PTBP3: variants seen among roughly 807,000 people sequenced by gnomAD.
PTBP3 encodes polypyrimidine tract-binding protein 3.
A neutral mutation model predicts 58.7 loss-of-function variants in PTBP3; 20 were observed. That is an observed-to-expected ratio of 0.34 (90% confidence interval 0.24 to 0.50). The LOEUF (loss-of-function observed/expected upper bound fraction) is 0.50, where lower values mean the gene tolerates loss of function less well. Ranked by LOEUF, PTBP3 falls within the 20% of genes least tolerant of loss-of-function variation. The pLI is 0.98. For missense variants in PTBP3, 509 were observed against 637.2 expected, an observed-to-expected ratio of 0.80 and a Z score of 2.17; for synonymous variants, 185 against 219.8, an observed-to-expected ratio of 0.84 and a Z score of 1.40.
the PTBP3 span, among the ~76,000 whole-genome samples, chr9:112,365,848 CTTG>C: frequency 1.3e-5 from 2 of 152,166 alleles, no homozygotes; most frequent in African/African-American, 4.8e-5. Flanking sequence ...AGATGAGAAA[CTTG>C]TTGATAACTG....
intron 1 of PTBP3, among the ~76,000 whole-genome samples, 180 bp from the exon 2 acceptor site, chr9:112,298,096 C>T (rs1034123055): frequency 6.6e-6 from 1 of 152,094 alleles, no homozygotes; most frequent in African/African-American, 2.4e-5. Context: ...ACTGCAAATC[C>T]ACAACTATAT....
At chr9:112,277,899 A>G (rs1454228955) in intron 2 of PTBP3, among the ~76,000 whole-genome samples, 7 of 98,228 alleles carry the variant, frequency 7.1e-5, no homozygotes, top group Non-Finnish European at 1.2e-4. Flanking sequence ...AACATAACAT[A>G]ACATAACATA....
the PTBP3 span, among the ~76,000 whole-genome samples, chr9:112,374,728 C>T: frequency 6.6e-6 from 1 of 152,330 alleles, no homozygotes; most frequent in Non-Finnish European, 1.5e-5. Flanking sequence ...AATACCACGA[C>T]AGTGGATAAG....
At chr9:112,241,126 T>C (rs1423030468) in intron 7 of PTBP3, among the ~76,000 whole-genome samples, 1 of 152,144 alleles carries the variant, frequency 6.6e-6, no homozygotes, top group Non-Finnish European at 1.5e-5. Flanking sequence ...TTTTTTTAAA[T>C]GGAGTCTCAC....
the PTBP3 span, among the ~76,000 whole-genome samples, chr9:112,371,646 A>ATTTTT: frequency 3.9e-3 from 503 of 127,528 alleles, 13 homozygotes; most frequent in African/African-American, 0.014. Flanking sequence ...TTTTTAGTAG[A>ATTTTT]TTTTTTTTTT....
intron 9 of PTBP3, 33 bp from the exon 10 acceptor site, chr9:112,231,446 C>A (rs1202255941): frequency 1.3e-6 from 2 of 1,522,482 alleles, no homozygotes; most frequent in Admixed American, 2.1e-5. Context: ...AAGTGTCTGA[C>A]AATTTAAGTA....
intron 11 of PTBP3, 78 bp from the exon 12 acceptor site, chr9:112,227,705 A>G: frequency 9.1e-7 from 1 of 1,099,732 alleles, no homozygotes; most frequent in Non-Finnish European, 1.4e-6. Context: ...ATTACCATAA[A>G]TTATTTTTAT....
intron 8 of PTBP3, among the ~76,000 whole-genome samples, chr9:112,233,377 TTTC>T (rs1432405803): frequency 2.0e-5 from 3 of 151,672 alleles, no homozygotes; most frequent in African/African-American, 7.3e-5. Flanking sequence ...ACTTTTCATC[TTTC>T]TTAATATTAA....
chr9:112,319,142 AAAG>A (rs1366423322), intron 1 of PTBP3, among the ~76,000 whole-genome samples: 3 of 150,008 alleles, frequency 2.0e-5, no homozygotes, highest in Non-Finnish European at 3.0e-5. Flanking sequence ...AAAAAAAAAA[AAAG>A]AAAGAAAATT....
chr9:112,293,061 G>A (rs931408113), intron 2 of PTBP3, among the ~76,000 whole-genome samples: 3 of 151,996 alleles, frequency 2.0e-5, no homozygotes, highest in Admixed American at 6.6e-5. Context: ...GAACGAAAGG[G>A]ATTGGGGCAA....
chr9:112,254,945 T>C (rs141250380), intron 5 of PTBP3, among the ~76,000 whole-genome samples: 110 of 152,168 alleles, frequency 7.2e-4, no homozygotes, highest in Admixed American at 3.0e-3. Flanking sequence ...TTACACAAAA[T>C]AGCCAAAACA....
intron 1 of PTBP3, among the ~76,000 whole-genome samples, chr9:112,322,428 A>C (rs761423859): frequency 1.3e-5 from 2 of 152,176 alleles, no homozygotes; most frequent in African/African-American, 4.8e-5. Context: ...ATATTAATCA[A>C]AAGGCTATGG....
At chr9:112,378,467 C>T in the PTBP3 span, among the ~76,000 whole-genome samples, 1 of 152,318 alleles carries the variant, frequency 6.6e-6, no homozygotes, top group East Asian at 1.9e-4. Flanking sequence ...GAGGCTCTAA[C>T]AGACTGAAGA....
intron 12 of PTBP3, among the ~76,000 whole-genome samples, chr9:112,226,778 T>G (rs1051760871): frequency 6.6e-6 from 1 of 152,238 alleles, no homozygotes; most frequent in Non-Finnish European, 1.5e-5. Flanking sequence ...GAATTTTATA[T>G]AATTTTCTCA....
At chr9:112,260,803 T>C (rs566024906) in intron 5 of PTBP3, among the ~76,000 whole-genome samples, 4 of 152,296 alleles carry the variant, frequency 2.6e-5, no homozygotes, top group African/African-American at 4.8e-5. Flanking sequence ...GTTAAAAAAG[T>C]GAGTGCTATA....
At position 112,275,865 on chromosome 9, in the gene PTBP3, CA is replaced by C; in HGVS notation, c.182del (p.Leu61Ter). ...GLPFGKVTNL[L>X]MLKGKSQAFL... ...ATACCTGGCTTTTTCCTTTCAACAT[CA>C]AAAGATTAGTTACTTTGCCAAATGG... On this transcript the variant is annotated frameshift_variant, in exon 3 of 14. Coordinates refer to ENST00000374257, the MANE Select transcript of PTBP3 (RefSeq NM_001163788.4). LOFTEE classifies it high-confidence loss of function. 1 of 1,612,854 alleles carries C rather than the reference CA, an allele frequency of 6.2e-7. No homozygotes were observed. Among genetic ancestry groups the C allele is most frequent in the Non-Finnish European group, 8.5e-7 (1 of 1,179,234 alleles).
At chr9:112,298,159 C>T (rs1163788105) in intron 1 of PTBP3, among the ~76,000 whole-genome samples, 1 of 152,164 alleles carries the variant, frequency 6.6e-6, no homozygotes, top group African/African-American at 2.4e-5. Context: ...TTCTTTCTAA[C>T]CAAACGCAGG....
rs201385160 is a variant in PTBP3 at position 112,231,952 on chromosome 9, GAGA to G, written c.1020+144_1020+146del. ...GAGAAGAGAAGAGAAGAGAAGAGAA[GAGA>G]AGAGAAGAGAAGAGAGAAGAGAAGA... On this transcript the variant is annotated intron_variant, in intron 9 of 13. Transcript: ENST00000374257. 1,586 of 387,562 alleles carry G rather than the reference GAGA, an allele frequency of 4.1e-3. 1 individual carries two copies. The highest frequency in any genetic ancestry group is 0.012 in the African/African-American group (271 of 23,550). The allele number at this position is 387,562 out of a possible 1,614,324, so 24.0% of individuals were successfully genotyped here. A position where few individuals can be genotyped will look rare whatever the true frequency, so the allele number is the denominator to read the frequency against.
chr9:112,265,207 C>T (rs1339615156), intron 4 of PTBP3, among the ~76,000 whole-genome samples: 1 of 151,872 alleles, frequency 6.6e-6, no homozygotes, highest in Non-Finnish European at 1.5e-5. Context: ...CTCTGCAATA[C>T]ATTAAGTCTT....
Sources: gnomAD v4.1 joint callset for allele counts (sites outside exome capture counted in the v4.1 genomes callset) on GRCh38, gnomAD v4.1.1 for gene constraint, MANE v1.5 for transcripts, NCBI Gene and HGNC (gene_info 2026-07-23, HGNC 2026-07-21) for gene names.